The following RBFOX1 variants were observed in gnomAD, a reference collection of about 807,000 sequenced individuals.
RBFOX1 encodes RNA binding protein fox-1 homolog 1.
A neutral mutation model predicts 57.7 loss-of-function variants in RBFOX1; 8 were observed. That is an observed-to-expected ratio of 0.14 (90% CI 0.08 to 0.25). The LOEUF (loss-of-function observed/expected upper bound fraction) is 0.25. Among genes scored for constraint, RBFOX1 ranks in the 10% least tolerant of loss-of-function variants. The probability of loss-of-function intolerance (pLI) is 1.00; values close to 1 mark genes in which losing one functional copy is unlikely to be tolerated. For synonymous variants in RBFOX1, 326 were observed against 222.4 expected (o/e 1.47, Z -4.15); for missense variants, 611 against 548.5 (o/e 1.11, Z -1.14).
intron 2 of RBFOX1, among the ~76,000 whole-genome samples, chr16:6,524,594 T>C (rs1015598734): frequency 6.6e-6 from 1 of 152,192 alleles, no homozygotes; most frequent in Non-Finnish European, 1.5e-5. Flanking sequence ...AAAGGGCCTG[T>C]GGAGGATTGT....
At chr16:6,416,765 T>C (rs1433325169) in intron 2 of RBFOX1, among the ~76,000 whole-genome samples, 1 of 152,134 alleles carries the variant, frequency 6.6e-6, no homozygotes, top group African/African-American at 2.4e-5. Flanking sequence ...ACTAATAACA[T>C]ACCTTACAGG....
intron 4 of RBFOX1, among the ~76,000 whole-genome samples, chr16:6,009,802 A>ATGTGTGTGTGTGTCTGTG (rs1555469409): frequency 5.6e-4 from 33 of 58,594 alleles, no homozygotes; most frequent in Admixed American, 3.1e-3. Context: ...CAGTGTGTGT[A>ATGTGTGTGTGTGTCTGTG]TGTGTGTGTG....
At chr16:5,259,230 A>G (rs1416362496) in intron 1 of RBFOX1, among the ~76,000 whole-genome samples, 1 of 151,826 alleles carries the variant, frequency 6.6e-6, no homozygotes, top group Non-Finnish European at 1.5e-5. Flanking sequence ...TGTTTCTACA[A>G]CCCTTAGGAA....
chr16:6,101,258 C>A (rs949599876), intron 1 of RBFOX1, among the ~76,000 whole-genome samples: 1 of 152,196 alleles, frequency 6.6e-6, no homozygotes, highest in East Asian at 1.9e-4. Flanking sequence ...CATGCACCTT[C>A]AGTGGGTGTA....
intron 2 of RBFOX1, among the ~76,000 whole-genome samples, chr16:6,612,118 T>C (rs2080284402): frequency 6.6e-6 from 1 of 152,196 alleles, no homozygotes; most frequent in Admixed American, 6.5e-5. Flanking sequence ...ACATGATGCA[T>C]CTAGGGATTA....
chr16:6,913,079 A>T (rs1258390664), intron 3 of RBFOX1, among the ~76,000 whole-genome samples: 1 of 152,126 alleles, frequency 6.6e-6, no homozygotes, highest in Admixed American at 6.5e-5. Flanking sequence ...CCAGGCAGGA[A>T]AACCATTATG....
intron 13 of RBFOX1, among the ~76,000 whole-genome samples, chr16:7,674,760 T>C (rs572270549): frequency 6.6e-6 from 1 of 152,326 alleles, no homozygotes; most frequent in South Asian, 2.1e-4. Flanking sequence ...GTTTCTACTA[T>C]ACATAACCTA....
rs146350607 is a variant in RBFOX1, at chr16:5,439,820, G to T, written c.220-27396G>T. On this transcript the variant is annotated intron_variant, in intron 1 of 2. Transcript: ENST00000585867. ...GAAACTTACAATCATGGCAGAAGGG[G>T]AAGCAAACATGTCCTTCTTCACATG... 5.9e-5 allele frequency among the ~76,000 whole-genome samples: 9 copies of T among 151,964 alleles called. No homozygotes were observed. In the East Asian group the frequency reaches 1.7e-3, roughly 29 times the overall value.
At chr16:5,744,376 C>T (rs1467474620) in intron 3 of RBFOX1, among the ~76,000 whole-genome samples, 1 of 152,138 alleles carries the variant, frequency 6.6e-6, no homozygotes, top group Admixed American at 6.5e-5. Flanking sequence ...TCATGGAATC[C>T]CTTGAAATCA....
chr16:6,015,653 C>T (rs989006968), upstream of RBFOX1, among the ~76,000 whole-genome samples: 1 of 152,204 alleles, frequency 6.6e-6, no homozygotes, highest in African/African-American at 2.4e-5. Flanking sequence ...TGCTGTTTTG[C>T]TTCAGGCACT....
chr16:6,733,431 C>G (rs12920331), intron 3 of RBFOX1, among the ~76,000 whole-genome samples: 31,650 of 152,144 alleles, frequency 0.21, 3,522 homozygotes, highest in East Asian at 0.42. Context: ...AGTCCTACAG[C>G]CTTCCTGAAA....
chr16:7,576,496 T>G (rs921514643), intron 5 of RBFOX1, among the ~76,000 whole-genome samples: 1 of 152,220 alleles, frequency 6.6e-6, no homozygotes, highest in Admixed American at 6.5e-5. Context: ...GCTTACTTTT[T>G]TATTTTGCAT....
chr16:6,580,306 A>C lies in RBFOX1; in HGVS notation c.-63-74297A>C, dbSNP rs2097518506. On this transcript the variant is annotated intron_variant, in intron 2 of 15. Transcript: ENST00000550418. ...TATGTTGTTTGACTTTTTCCATCAC[A>C]AATTTTTATTCACCTCAGTTTGCTG... is the stretch of plus-strand genomic sequence containing the variant. Among the ~76,000 whole-genome samples the C allele has an allele frequency of 2.0e-5, 3 of 152,254 alleles. No homozygotes were observed. In the South Asian group the frequency reaches 6.2e-4, roughly 32 times the overall value.
At chr16:5,308,079 C>A (rs578051266) in intron 1 of RBFOX1, among the ~76,000 whole-genome samples, 1 of 152,150 alleles carries the variant, frequency 6.6e-6, no homozygotes, top group Non-Finnish European at 1.5e-5. Context: ...GTGGCTCACG[C>A]TTGTAATCCC....
intron 4 of RBFOX1, among the ~76,000 whole-genome samples, chr16:5,965,679 G>A (rs747231298): frequency 4.6e-5 from 7 of 152,168 alleles, no homozygotes; most frequent in Non-Finnish European, 1.0e-4. Flanking sequence ...AGATCACTGC[G>A]TCCCTAAACC....
chr16:5,916,669 T>C (rs1018193714), intron 4 of RBFOX1, among the ~76,000 whole-genome samples: 1 of 152,150 alleles, frequency 6.6e-6, no homozygotes, highest in Non-Finnish European at 1.5e-5. Flanking sequence ...TCATTTTTCC[T>C]TGTGGTAAGC....
intron 2 of RBFOX1, among the ~76,000 whole-genome samples, chr16:5,510,361 C>G (rs1480902969): frequency 1.3e-5 from 2 of 152,294 alleles, no homozygotes; most frequent in East Asian, 1.9e-4. Context: ...TGCCTGGTGT[C>G]TCTGCTTCTT....
intron 3 of RBFOX1, among the ~76,000 whole-genome samples, chr16:5,772,198 A>G (rs865824788): frequency 2.6e-5 from 4 of 152,176 alleles, no homozygotes; most frequent in East Asian, 1.9e-4. Flanking sequence ...AGGCTAGTTT[A>G]TAGAATAACA....
intron 1 of RBFOX1, among the ~76,000 whole-genome samples, chr16:6,295,092 G>C: frequency 7.4e-6 from 1 of 134,396 alleles, no homozygotes; most frequent in East Asian, 2.3e-4. Context: ...GAGCTCTTAA[G>C]CAGTGAGTTT....
Sources: allele counts gnomAD v4.1 joint callset (sites outside exome capture counted in the v4.1 genomes callset), GRCh38; gene constraint gnomAD v4.1.1; transcripts MANE v1.5; gene names NCBI Gene and HGNC (gene_info 2026-07-23, HGNC 2026-07-21).